NEO1: variants seen among roughly 807,000 people sequenced by gnomAD.
NEO1 encodes neogenin.
A neutral mutation model predicts 159.7 loss-of-function variants in NEO1; 63 were observed. The observed-to-expected ratio is 0.39, with a 90% CI of 0.32 to 0.49. NEO1 has a LOEUF of 0.49. NEO1 is among the 20% of genes least tolerant of loss of function. The pLI is 0.85. For synonymous variants in NEO1, 633 were observed against 662.0 expected, an observed-to-expected ratio of 0.96 and a Z score of 0.67; for missense variants, 1,615 against 1,831.0, an observed-to-expected ratio of 0.88 and a Z score of 2.15.
chr15:73,200,585 G>C (rs1365929640), intron 7 of NEO1, among the ~76,000 whole-genome samples: 2 of 151,200 alleles, frequency 1.3e-5, no homozygotes, highest in East Asian at 3.9e-4. Context: ...TCTAGAGAGA[G>C]AGAGTGGAAT....
chr15:73,055,893 T>A (rs1262413310), intron 1 of NEO1, among the ~76,000 whole-genome samples: 1 of 152,222 alleles, frequency 6.6e-6, no homozygotes, highest in African/African-American at 2.4e-5. Flanking sequence ...TTTTGCTTTT[T>A]ACCTCTCAGC....
At chr15:73,053,083 TC>T (rs2067535692) in intron 1 of NEO1, among the ~76,000 whole-genome samples, 2 of 152,022 alleles carry the variant, frequency 1.3e-5, no homozygotes, top group Non-Finnish European at 2.9e-5. Context: ...CTCGCCTCTC[TC>T]CCCTCCCCCA....
chr15:73,290,704 G>A (rs377347884), intron 25 of NEO1, among the ~76,000 whole-genome samples: 16 of 152,244 alleles, frequency 1.1e-4, no homozygotes, highest in East Asian at 1.9e-4. Context: ...GTCCTCTCTC[G>A]TCACTGTTTT....
At position 73,278,209 on chromosome 15, in the gene NEO1, T is replaced by C; in HGVS notation, c.3262+10T>C. 1.2e-6 allele frequency: 2 copies of C among 1,609,276 alleles called. 1 individual carries two copies. On this transcript the variant is annotated intron_variant, in intron 22 of 28. Transcript: ENST00000261908. ...AAACCTCCAATGAGCGGTAAAGCCT[T>C]TCCCATGGCGTTTTTTGCTTACTAT... is the stretch of plus-strand genomic sequence containing the variant.
intron 1 of NEO1, among the ~76,000 whole-genome samples, chr15:73,109,352 G>T (rs1411639614): frequency 6.6e-6 from 1 of 152,114 alleles, no homozygotes; most frequent in African/African-American, 2.4e-5. Context: ...AATTTTTCCT[G>T]TTTGATGGGG....
intron 1 of NEO1, among the ~76,000 whole-genome samples, chr15:73,085,110 A>G (rs1172247364): frequency 2.6e-5 from 4 of 151,954 alleles, no homozygotes; most frequent in Non-Finnish European, 5.9e-5. Flanking sequence ...TTTTTAAACT[A>G]CAGAGGGCCC....
At chr15:73,085,330 T>C (rs1343869932) in intron 1 of NEO1, among the ~76,000 whole-genome samples, 1 of 152,198 alleles carries the variant, frequency 6.6e-6, no homozygotes, top group African/African-American at 2.4e-5. Flanking sequence ...CACTGAGTAG[T>C]ATTCCATTGT....
At chr15:73,152,910 G>A (rs181496730) in intron 5 of NEO1, among the ~76,000 whole-genome samples, 1 of 152,262 alleles carries the variant, frequency 6.6e-6, no homozygotes, top group Non-Finnish European at 1.5e-5. Context: ...AACTGTGGGT[G>A]TATGTTTAGA....
chr15:73,256,953 G>A (rs2040384308), intron 13 of NEO1, among the ~76,000 whole-genome samples: 1 of 151,154 alleles, frequency 6.6e-6, no homozygotes, highest in Non-Finnish European at 1.5e-5. Context: ...TAATGGATAA[G>A]CAGAGGCTGA....
At chr15:73,118,322 A>G (rs1482502430) in intron 2 of NEO1, among the ~76,000 whole-genome samples, 3 of 152,074 alleles carry the variant, frequency 2.0e-5, no homozygotes, top group Non-Finnish European at 4.4e-5. Flanking sequence ...GTGATCCTCC[A>G]GTAACACCAT....
intron 1 of NEO1, among the ~76,000 whole-genome samples, chr15:73,089,503 C>T (rs1171482701): frequency 6.6e-6 from 1 of 151,566 alleles, no homozygotes; most frequent in Non-Finnish European, 1.5e-5. Flanking sequence ...CTTTGGCAAG[C>T]AGTCAAATAA....
chr15:73,126,590 A>T lies in NEO1; in HGVS notation c.878+20A>T. The T allele has an allele frequency of 1.2e-6, 2 of 1,606,102 alleles. No individual in the cohort carries two copies. Among genetic ancestry groups the T allele is most frequent in the Non-Finnish European group, 1.7e-6 (2 of 1,177,074 alleles). On this transcript the variant is annotated intron_variant, in intron 4 of 28. Coordinates refer to ENST00000261908, the MANE Select transcript of NEO1 (RefSeq NM_002499.4). The stretch of plus-strand genomic sequence containing the variant: ...AGAAAGGTAAGTGTTGTCTGCCTAA[A>T]AGCCTTCTTCAGCCTTAGCTTGAGA...
chr15:73,166,172 C>T (rs527877882), intron 5 of NEO1, among the ~76,000 whole-genome samples: 4 of 152,158 alleles, frequency 2.6e-5, no homozygotes, highest in South Asian at 2.1e-4. Context: ...CCCATACCTG[C>T]TATAGTGGCT....
At chr15:73,231,470 G>A (rs1388692319) in intron 7 of NEO1, among the ~76,000 whole-genome samples, 1 of 152,172 alleles carries the variant, frequency 6.6e-6, no homozygotes, top group Non-Finnish European at 1.5e-5. Flanking sequence ...GGTGGCTCCT[G>A]CCTGTAATCC....
chr15:73,254,580 A>G (rs927412226), intron 12 of NEO1, 102 bp from the exon 13 acceptor site: 2 of 1,239,318 alleles, frequency 1.6e-6, no homozygotes, highest in South Asian at 1.6e-5. Flanking sequence ...TGCTGCCTCT[A>G]TGTTTTTTCT....
chr15:73,297,475 C>CA lies in NEO1; in HGVS notation c.3902-870dup, dbSNP rs547820751. Among the ~76,000 whole-genome samples the CA allele has an allele frequency of 2.6e-5, 4 of 152,182 alleles. No homozygotes were observed. In the South Asian group the frequency reaches 8.3e-4, roughly 32 times the overall value. On this transcript the variant is annotated intron_variant, in intron 26 of 28. Transcript: ENST00000261908. Reference sequence around the variant, plus strand: ...CTTTTCATACATCTCATTCAATCCTCAAAGAATTATGTGTTATTCTCCCTC... The same window carrying CA: ...CTTTTCATACATCTCATTCAATCCTCAAAAGAATTATGTGTTATTCTCCCTC...
At chr15:73,153,815 C>T (rs1177837505) in intron 5 of NEO1, among the ~76,000 whole-genome samples, 1 of 152,090 alleles carries the variant, frequency 6.6e-6, no homozygotes, top group African/African-American at 2.4e-5. Flanking sequence ...GTTATTAGTC[C>T]ACTGACTGAT....
chr15:73,081,085 A>G (rs916191565), intron 1 of NEO1, among the ~76,000 whole-genome samples: 5 of 152,232 alleles, frequency 3.3e-5, no homozygotes, highest in African/African-American at 1.2e-4. Flanking sequence ...TGCTGAACAC[A>G]TAAAACACAG....
intron 25 of NEO1, among the ~76,000 whole-genome samples, chr15:73,290,524 C>G (rs903447745): frequency 0.024 from 1 of 42 alleles, no homozygotes; most frequent in Non-Finnish European, 0.062. Context: ...TGAGCCACCA[C>G]CACCCGCCCA....
Sources: gnomAD v4.1 joint callset for allele counts (sites outside exome capture counted in the v4.1 genomes callset) on GRCh38, gnomAD v4.1.1 for gene constraint, MANE v1.5 for transcripts, NCBI Gene and HGNC (gene_info 2026-07-23, HGNC 2026-07-21) for gene names.